Variants in PLCB1 observed in about 807,000 individuals in gnomAD.
The protein encoded by PLCB1 is phospholipase C beta 1.
In PLCB1, 46 loss-of-function variants were observed where a neutral mutation model predicts 161.8. The observed-to-expected ratio is 0.28, with a 90% confidence interval of 0.22 to 0.36. The LOEUF is 0.36. Among genes scored for constraint, PLCB1 ranks in the 10% least tolerant of loss-of-function variants. The pLI, the probability that PLCB1 is intolerant of heterozygous loss-of-function variation, is 1.00. For synonymous variants in PLCB1, 517 were observed against 503.7 expected (o/e 1.03, Z -0.35); for missense variants, 1,016 against 1,472.5 (o/e 0.69, Z 5.07).
rs140911522 is a variant in PLCB1, at chr20:8,856,922, A to G, written c.3424-24700A>G. 7.2e-5 allele frequency among the ~76,000 whole-genome samples: 11 copies of G among 152,350 alleles called. No homozygotes were observed. The East Asian group carries it at 1.9e-3, about 27-fold the overall frequency. The stretch of plus-strand genomic sequence containing the variant: ...CAATAAGCATTTATTATTATCCACA[A>G]GCTGGTGAGCTGGGAAGTTCTCCTG... On this transcript the variant is annotated intron_variant, in intron 31 of 31. Coordinates refer to ENST00000338037, the MANE Select transcript of PLCB1 (RefSeq NM_015192.4).
rs549428755 is a variant in PLCB1, at chr20:8,583,608, C to T, written c.247-44686C>T. ...CTGTGTGCTTTCGTTGAGCAGAGAA[C>T]GTCCCTTTGATTCCTGAGCTTACTG... On this transcript the variant is annotated intron_variant, in intron 3 of 31. Coordinates refer to ENST00000338037, the MANE Select transcript of PLCB1 (RefSeq NM_015192.4). Among the ~76,000 whole-genome samples the T allele has an allele frequency of 5.3e-5, 8 of 152,218 alleles. 2 individuals are homozygous for T. Among genetic ancestry groups the T allele is most frequent in the African/African-American group, 1.7e-4 (7 of 41,548 alleles).
chr20:8,661,962 ATTAT>A (rs1268079853), intron 9 of PLCB1, among the ~76,000 whole-genome samples: 1 of 45,128 alleles, frequency 2.2e-5, no homozygotes, highest in African/African-American at 7.4e-5. Flanking sequence ...TAATTATATA[ATTAT>A]TTATTATATA....
intron 25 of PLCB1, among the ~76,000 whole-genome samples, chr20:8,763,827 T>C (rs1328867611): frequency 6.6e-6 from 1 of 151,956 alleles, no homozygotes; most frequent in Non-Finnish European, 1.5e-5. Context: ...CCCAGAATGT[T>C]TTAAGGTCAG....
intron 9 of PLCB1, among the ~76,000 whole-genome samples, chr20:8,667,026 CAATT>C (rs1343546605): frequency 6.6e-6 from 1 of 152,140 alleles, no homozygotes; most frequent in Non-Finnish European, 1.5e-5. Flanking sequence ...ATCTGCCTCA[CAATT>C]AAGGTGGCAT....
intron 3 of PLCB1, among the ~76,000 whole-genome samples, chr20:8,498,978 A>C (rs991943551): frequency 6.6e-6 from 1 of 152,210 alleles, no homozygotes; most frequent in Non-Finnish European, 1.5e-5. Flanking sequence ...TTTTGAGTGT[A>C]TGCTGTATAA....
At chr20:8,160,475 C>G (rs2051611085) in intron 2 of PLCB1, among the ~76,000 whole-genome samples, 1 of 152,178 alleles carries the variant, frequency 6.6e-6, no homozygotes, top group African/African-American at 2.4e-5. Context: ...GATTACAGTT[C>G]CACGTGGCTG....
intron 2 of PLCB1, among the ~76,000 whole-genome samples, chr20:8,310,157 G>A (rs1984331752): frequency 6.6e-6 from 1 of 151,710 alleles, no homozygotes; most frequent in Non-Finnish European, 1.5e-5. Flanking sequence ...TTTTTGTTAC[G>A]GTGGGTCTCT....
rs141456909 is a variant in PLCB1 at position 8,450,220 on chromosome 20, A to T, written c.246+78770A>T. Among the ~76,000 whole-genome samples the T allele has an allele frequency of 2.2e-3, 328 of 152,314 alleles. 1 individual carries two copies. The highest frequency in any genetic ancestry group is 7.5e-3 in the African/African-American group (313 of 41,576). Reference sequence around the variant, plus strand: ...TGGTCTTAGATAAGTCTCAGACTGCAGGTGAAATGATTAAATTCTCATTTC... The same window carrying T: ...TGGTCTTAGATAAGTCTCAGACTGCTGGTGAAATGATTAAATTCTCATTTC... On this transcript the variant is annotated intron_variant, in intron 3 of 31. Transcript: ENST00000338037.
intron 2 of PLCB1, among the ~76,000 whole-genome samples, chr20:8,251,655 A>G (rs77840227): frequency 0.012 from 1,861 of 152,032 alleles, 39 homozygotes; most frequent in African/African-American, 0.042. Context: ...CCTGCTGGTT[A>G]TTAGAAGGGC....
chr20:8,408,714 C>T (rs574105363), intron 3 of PLCB1, among the ~76,000 whole-genome samples: 1 of 152,202 alleles, frequency 6.6e-6, no homozygotes, highest in African/African-American at 2.4e-5. Flanking sequence ...TAGCTGAAAT[C>T]ACACTGTAAA....
At chr20:8,485,445 T>G (rs1471306121) in intron 3 of PLCB1, among the ~76,000 whole-genome samples, 1 of 152,258 alleles carries the variant, frequency 6.6e-6, no homozygotes. Flanking sequence ...TATTTAAATA[T>G]GTCTTCTTAT....
intron 9 of PLCB1, among the ~76,000 whole-genome samples, chr20:8,684,659 A>G (rs1265447079): frequency 2.0e-5 from 3 of 152,204 alleles, no homozygotes; most frequent in African/African-American, 4.8e-5. Flanking sequence ...CATAAAGTTA[A>G]TACCAGTCTT....
intron 3 of PLCB1, among the ~76,000 whole-genome samples, chr20:8,410,425 T>C (rs539115485): frequency 1.3e-5 from 2 of 152,328 alleles, no homozygotes; most frequent in African/African-American, 4.8e-5. Context: ...CAAAAGTTGA[T>C]TAGTGATCCT....
intron 3 of PLCB1, among the ~76,000 whole-genome samples, chr20:8,563,254 G>A (rs1424056712): frequency 2.0e-5 from 3 of 151,948 alleles, no homozygotes; most frequent in African/African-American, 7.2e-5. Flanking sequence ...TGTGGTTCTG[G>A]TGGAAGTAGT....
chr20:8,213,939 C>T (rs1978975566), intron 2 of PLCB1, among the ~76,000 whole-genome samples: 1 of 151,958 alleles, frequency 6.6e-6, no homozygotes, highest in African/African-American at 2.4e-5. Flanking sequence ...TCCGACAGGG[C>T]AGAGAGTCCT....
At chr20:8,476,886 C>T (rs908144559) in intron 3 of PLCB1, among the ~76,000 whole-genome samples, 5 of 152,108 alleles carry the variant, frequency 3.3e-5, no homozygotes, top group African/African-American at 1.2e-4. Flanking sequence ...AGGAGGCTCC[C>T]ACCCCATCAT....
chr20:8,691,111 A>C (rs1990468691), intron 10 of PLCB1, among the ~76,000 whole-genome samples: 1 of 152,210 alleles, frequency 6.6e-6, no homozygotes, highest in Non-Finnish European at 1.5e-5. Flanking sequence ...ATTTGGTTTT[A>C]CTTCACATAT....
At chr20:8,824,132 CT>C (rs2146268146) in intron 31 of PLCB1, among the ~76,000 whole-genome samples, 1 of 152,256 alleles carries the variant, frequency 6.6e-6, no homozygotes, top group East Asian at 1.9e-4. Flanking sequence ...TTTTTTGAAA[CT>C]TAAAAGCTCA....
chr20:8,603,420 T>C (rs1486265196), intron 3 of PLCB1, among the ~76,000 whole-genome samples: 1 of 152,198 alleles, frequency 6.6e-6, no homozygotes, highest in Non-Finnish European at 1.5e-5. Flanking sequence ...ACGACCTTTC[T>C]GGTAATCCCA....
Sources: allele counts gnomAD v4.1 joint callset (sites outside exome capture counted in the v4.1 genomes callset), GRCh38; gene constraint gnomAD v4.1.1; transcripts MANE v1.5; gene names NCBI Gene and HGNC (gene_info 2026-07-23, HGNC 2026-07-21).